TRDN: variants seen among roughly 807,000 people sequenced by gnomAD.
TRDN encodes triadin.
A neutral mutation model predicts 149.7 loss-of-function variants in TRDN; 161 were observed. That is an observed-to-expected ratio of 1.08 (90% CI 0.95 to 1.23). The LOEUF is 1.23. Ranked by LOEUF, TRDN falls within the 50% of genes most tolerant of loss-of-function variation. The probability of loss-of-function intolerance (pLI) is 0.00; values close to 1 mark genes in which losing one functional copy is unlikely to be tolerated. For missense variants in TRDN, 896 were observed against 823.5 expected (o/e 1.09, Z -1.08); for synonymous variants, 294 against 250.5 (o/e 1.17, Z -1.64).
chr6:123,268,941 G>C (rs1264363846), intron 31 of TRDN, among the ~76,000 whole-genome samples: 1 of 151,878 alleles, frequency 6.6e-6, no homozygotes, highest in African/African-American at 2.4e-5. Flanking sequence ...GTTCTGATTA[G>C]AGTCATTCAT....
intron 19 of TRDN, among the ~76,000 whole-genome samples, chr6:123,370,101 A>G (rs1334968978): frequency 6.6e-6 from 1 of 152,178 alleles, no homozygotes; most frequent in East Asian, 1.9e-4. Flanking sequence ...ATTCTAATGA[A>G]TAGCAATAAA....
intron 1 of TRDN, among the ~76,000 whole-genome samples, chr6:123,615,678 C>A (rs367614794): frequency 7.4e-4 from 113 of 152,206 alleles, no homozygotes; most frequent in African/African-American, 2.6e-3. Flanking sequence ...TGTTCTCACT[C>A]ATATGTGGAA....
chr6:123,252,383 A>C, intron 38 of TRDN, 29 bp downstream of exon 38: 1 of 1,417,324 alleles, frequency 7.1e-7, no homozygotes, highest in South Asian at 1.4e-5. Flanking sequence ...TATCAAAGAG[A>C]ACTTGTCATT....
chr6:123,337,094 T>C (rs1232982217), intron 22 of TRDN, among the ~76,000 whole-genome samples: 2 of 152,036 alleles, frequency 1.3e-5, no homozygotes, highest in Non-Finnish European at 2.9e-5. Flanking sequence ...TTCATAGCAA[T>C]ATAGAGTGTG....
rs150566171 is a variant in TRDN at position 123,626,630 on chromosome 6, T to C, written c.22+10124A>G. Among the ~76,000 whole-genome samples the C allele has an allele frequency of 6.2e-3, 937 of 152,238 alleles. 16 individuals carry two copies. The highest frequency in any genetic ancestry group is 0.021 in the African/African-American group (876 of 41,550). On this transcript the variant is annotated intron_variant, in intron 1 of 40. Transcript: ENST00000334268. ...TGATGTCTTGAGCCCCTCAAAGTCA[T>C]CATGAGGGTTGGAATCAACTTTTTA...
At chr6:123,615,271 C>T (rs1476582299) in intron 1 of TRDN, among the ~76,000 whole-genome samples, 1 of 152,040 alleles carries the variant, frequency 6.6e-6, no homozygotes, top group Non-Finnish European at 1.5e-5. Context: ...ATATAACTAC[C>T]ATTGATCCAG....
intron 12 of TRDN, among the ~76,000 whole-genome samples, chr6:123,435,227 A>T (rs942150969): frequency 6.6e-6 from 1 of 151,834 alleles, no homozygotes; most frequent in Admixed American, 6.6e-5. Context: ...ATGCCTTATA[A>T]ATTTGCTATT....
At chr6:123,261,267 A>C (rs1390567040) in intron 33 of TRDN, among the ~76,000 whole-genome samples, 1 of 151,886 alleles carries the variant, frequency 6.6e-6, no homozygotes, top group African/African-American at 2.4e-5. Context: ...CATTCATATA[A>C]TATTTATTAA....
At chr6:123,351,722 C>T in intron 21 of TRDN, 1 of 928,702 alleles carries the variant, frequency 1.1e-6, no homozygotes, top group Non-Finnish European at 1.3e-6. Flanking sequence ...TTAATTGCAT[C>T]TCAAATTTGA....
chr6:123,304,925 A>G (rs897967229), intron 24 of TRDN, among the ~76,000 whole-genome samples: 1 of 152,178 alleles, frequency 6.6e-6, no homozygotes, highest in Non-Finnish European at 1.5e-5. Flanking sequence ...TTCTTAAGCA[A>G]TTTGGTAAAA....
chr6:123,388,623 T>C (rs372754741), intron 13 of TRDN, 72 bp from the exon 14 acceptor site: 15 of 1,502,480 alleles, frequency 1.0e-5, no homozygotes, highest in Non-Finnish European at 1.3e-5. Context: ...AATATGAGAA[T>C]GTATTCCACA....
intron 16 of TRDN, 132 bp downstream of exon 16, chr6:123,381,238 C>CA (rs1296530611): frequency 1.7e-5 from 14 of 814,400 alleles, no homozygotes; most frequent in Admixed American, 8.0e-5. Context: ...TTCACTTGGA[C>CA]AAAAAACAAC....
At chr6:123,627,515 A>G (rs1399577087) in intron 1 of TRDN, among the ~76,000 whole-genome samples, 1 of 152,162 alleles carries the variant, frequency 6.6e-6, no homozygotes, top group African/African-American at 2.4e-5. Flanking sequence ...GAGCACAGGC[A>G]AAGTAAATTT....
intron 2 of TRDN, among the ~76,000 whole-genome samples, chr6:123,550,317 A>G (rs973609032): frequency 6.6e-6 from 1 of 151,974 alleles, no homozygotes; most frequent in Non-Finnish European, 1.5e-5. Flanking sequence ...AGAGAGAGGG[A>G]GAAGGAACCA....
intron 2 of TRDN, among the ~76,000 whole-genome samples, chr6:123,553,367 T>G (rs1372684429): frequency 6.6e-6 from 1 of 152,038 alleles, no homozygotes; most frequent in African/African-American, 2.4e-5. Flanking sequence ...AAAGAACAAC[T>G]AAGAGGTGGA....
intron 9 of TRDN, among the ~76,000 whole-genome samples, chr6:123,492,754 GA>G (rs747370273): frequency 3.3e-5 from 5 of 151,858 alleles, no homozygotes; most frequent in Non-Finnish European, 5.9e-5. Context: ...AAAAGAAAAA[GA>G]AAAAAACCCA....
At chr6:123,558,790 T>C (rs942259214) in intron 2 of TRDN, among the ~76,000 whole-genome samples, 1 of 152,196 alleles carries the variant, frequency 6.6e-6, no homozygotes, top group African/African-American at 2.4e-5. Context: ...ATTTCTGAGT[T>C]GCAATTCCTT....
In TRDN at chr6:123,617,255, G is replaced by A. The variant is rs987801371; in HGVS notation, c.22+19499C>T. ...TCCTGGTCGAAGAACCAGAGGGGTC[G>A]TTTTTAAAAGTTCAGTTTAAAATGC... On this transcript the variant is annotated intron_variant, in intron 1 of 40. Transcript: ENST00000334268. Among the ~76,000 whole-genome samples, 4 of 152,140 alleles carry A rather than the reference G, an allele frequency of 2.6e-5. No homozygotes were observed. In the South Asian group the frequency reaches 6.2e-4, roughly 24 times the overall value.
In TRDN at chr6:123,570,970, G is replaced by A; in HGVS notation, c.185C>T (p.Ala62Val). 1.9e-6 allele frequency: 3 copies of A among 1,613,954 alleles called. No homozygotes were observed. Among genetic ancestry groups the A allele is most frequent in the Non-Finnish European group, 2.5e-6 (3 of 1,179,862 alleles). ...TAAATCAAACATAACGATGGCAACA[G>A]CTGACCACGTGATTATCAGGGCAAT... ...LVIALIITWS[A>V]VAIVMFDLVD... is the part of the protein sequence containing the mutation. The change falls in exon 2 of 41, where the codon GCT becomes GTT. Residue 62 changes from alanine to valine, a missense_variant. Ala to Val is a moderately conservative substitution (Grantham distance 64). Transcript: ENST00000334268.
Sources: allele counts gnomAD v4.1 joint callset (sites outside exome capture counted in the v4.1 genomes callset), GRCh38; gene constraint gnomAD v4.1.1; transcripts MANE v1.5; gene names NCBI Gene and HGNC (gene_info 2026-07-23, HGNC 2026-07-21).